Variants in ATP8A1 observed in about 807,000 individuals in gnomAD.
ATP8A1 encodes the protein phospholipid-transporting ATPase IA.
Under a neutral mutation model 177.7 loss-of-function variants are expected in ATP8A1, and 90 were observed. That is an observed-to-expected ratio of 0.51 (90% CI 0.43 to 0.60). The LOEUF (loss-of-function observed/expected upper bound fraction) is 0.60. ATP8A1 is among the 20% of genes least tolerant of loss of function. The pLI, the probability that ATP8A1 is intolerant of heterozygous loss-of-function variation, is 0.00. For synonymous variants in ATP8A1, 493 were observed against 485.9 expected (o/e 1.01, Z -0.19); for missense variants, 1,072 against 1,392.8 (o/e 0.77, Z 3.67).
At chr4:42,574,459 C>A (rs1043958877) in intron 14 of ATP8A1, among the ~76,000 whole-genome samples, 160 bp downstream of exon 14, 14 of 152,100 alleles carry the variant, frequency 9.2e-5, no homozygotes, top group Admixed American at 2.6e-4. Flanking sequence ...AAACTAGAAA[C>A]GCGAAATATA....
intron 32 of ATP8A1, among the ~76,000 whole-genome samples, chr4:42,444,280 G>A (rs897365536): frequency 2.0e-5 from 3 of 152,174 alleles, no homozygotes; most frequent in Admixed American, 6.5e-5. Context: ...GAAAAGACTT[G>A]TAATCCGTAA....
intron 18 of ATP8A1, among the ~76,000 whole-genome samples, chr4:42,549,597 T>C (rs1423837603): frequency 1.3e-5 from 2 of 152,084 alleles, no homozygotes; most frequent in Non-Finnish European, 2.9e-5. Context: ...AAGACCAGCC[T>C]TGGCAATATA....
At chr4:42,469,197 T>C (rs2153184515) in intron 25 of ATP8A1, among the ~76,000 whole-genome samples, 1 of 152,356 alleles carries the variant, frequency 6.6e-6, no homozygotes, top group African/African-American at 2.4e-5. Flanking sequence ...CTGGATTTAC[T>C]AGCAATAATT....
At chr4:42,464,666 A>C in intron 27 of ATP8A1, 24 bp downstream of exon 27, 1 of 1,365,516 alleles carries the variant, frequency 7.3e-7, no homozygotes, top group Non-Finnish European at 1.0e-6. Flanking sequence ...AATGACAAGG[A>C]TTTAAAATTT....
chr4:42,620,164 C>G (rs1737323743), intron 4 of ATP8A1, among the ~76,000 whole-genome samples: 1 of 152,212 alleles, frequency 6.6e-6, no homozygotes, highest in African/African-American at 2.4e-5. Context: ...ATTATTCTCA[C>G]TGATAAAGAC....
intron 27 of ATP8A1, among the ~76,000 whole-genome samples, chr4:42,456,439 T>G (rs957474671): frequency 3.3e-5 from 5 of 152,176 alleles, no homozygotes; most frequent in African/African-American, 1.2e-4. Flanking sequence ...ATTTTATTCA[T>G]TGATAAAATC....
chr4:42,563,874 C>T (rs891500435), intron 15 of ATP8A1, among the ~76,000 whole-genome samples: 1 of 152,172 alleles, frequency 6.6e-6, no homozygotes. Context: ...GCAGGTGGAT[C>T]ACCTGAGGTC....
intron 27 of ATP8A1, among the ~76,000 whole-genome samples, chr4:42,463,881 A>G (rs2153182665): frequency 6.6e-6 from 1 of 152,334 alleles, no homozygotes. Context: ...TATGTAACAA[A>G]GATCTAAGTT....
intron 30 of ATP8A1, among the ~76,000 whole-genome samples, chr4:42,448,388 TTC>T (rs1717511663): frequency 8.6e-6 from 1 of 115,844 alleles, no homozygotes; most frequent in African/African-American, 3.1e-5. Context: ...CCCTCCCTCC[TTC>T]TCTTTCTTTT....
At chr4:42,452,489 G>T (rs1241547384) in intron 29 of ATP8A1, among the ~76,000 whole-genome samples, 1 of 152,088 alleles carries the variant, frequency 6.6e-6, no homozygotes, top group Non-Finnish European at 1.5e-5. Flanking sequence ...AAGATGTAAT[G>T]CTTTCTCTTA....
chr4:42,420,182 C>CT (rs1450973722), intron 35 of ATP8A1, among the ~76,000 whole-genome samples: 2 of 152,158 alleles, frequency 1.3e-5, no homozygotes, highest in East Asian at 3.8e-4. Context: ...TATTTTTCTC[C>CT]TTTCACAGAT....
intron 17 of ATP8A1, among the ~76,000 whole-genome samples, chr4:42,551,505 C>T (rs1013416260): frequency 1.3e-5 from 2 of 152,120 alleles, no homozygotes; most frequent in East Asian, 1.9e-4. Flanking sequence ...GTTACATTTC[C>T]GAAATGTCAA....
chr4:42,619,540 C>A (rs144922364), intron 4 of ATP8A1, among the ~76,000 whole-genome samples: 15 of 151,810 alleles, frequency 9.9e-5, no homozygotes, highest in Admixed American at 9.8e-4. Flanking sequence ...AGTTAAAATG[C>A]ACTGGGGGTG....
Position 42,552,703 on chromosome 4 carries a change from G to C in ATP8A1, c.1414-93C>G. ...CTTCATGTCTATTAAGAACATAGTT[G>C]TTGGCCAGACATGGTAGCTCACACC... On this transcript the variant is annotated intron_variant, in intron 16 of 36. Transcript: ENST00000381668. The C allele has an allele frequency of 3.2e-6, 3 of 933,842 alleles. No individual in the cohort carries two copies. The African/African-American group carries it at 5.0e-5, about 16-fold the overall frequency. The allele number at this position is 933,842 out of a possible 1,614,324, so 57.8% of individuals were successfully genotyped here. A position where few individuals can be genotyped will look rare whatever the true frequency, so the allele number is the denominator to read the frequency against.
chr4:42,548,873 A>G, intron 19 of ATP8A1, 140 bp downstream of exon 19: 2 of 665,934 alleles, frequency 3.0e-6, no homozygotes, highest in East Asian at 2.9e-5. Context: ...AAAATGTACT[A>G]AAGATTTTGA....
chr4:42,456,063 A>T (rs1221029449), intron 27 of ATP8A1, among the ~76,000 whole-genome samples: 1 of 152,210 alleles, frequency 6.6e-6, no homozygotes, highest in East Asian at 1.9e-4. Flanking sequence ...CACTGGTTGT[A>T]TAGTTCATTC....
At chr4:42,639,808 AC>A (rs1190144416) in intron 1 of ATP8A1, among the ~76,000 whole-genome samples, 6 of 152,198 alleles carry the variant, frequency 3.9e-5, no homozygotes, top group Non-Finnish European at 8.8e-5. Flanking sequence ...TGGTTCCAAG[AC>A]CCCTTACCAA....
At chr4:42,623,627 T>C (rs1211684765) in intron 4 of ATP8A1, among the ~76,000 whole-genome samples, 2 of 152,030 alleles carry the variant, frequency 1.3e-5, no homozygotes, top group East Asian at 3.9e-4. Flanking sequence ...GTGTTCTCAC[T>C]TGTAAATGGG....
intron 15 of ATP8A1, among the ~76,000 whole-genome samples, chr4:42,568,851 G>A (rs1731615147): frequency 6.6e-6 from 1 of 152,088 alleles, no homozygotes; most frequent in Non-Finnish European, 1.5e-5. Context: ...ACGGCTTCAG[G>A]AGCTGTAGCT....
Sources: gnomAD v4.1 joint callset for allele counts (sites outside exome capture counted in the v4.1 genomes callset) on GRCh38, gnomAD v4.1.1 for gene constraint, MANE v1.5 for transcripts, NCBI Gene and HGNC (gene_info 2026-07-23, HGNC 2026-07-21) for gene names.